The following DIAPH2 variants were observed in gnomAD, a reference collection of about 807,000 sequenced individuals.
DIAPH2 encodes protein diaphanous homolog 2.
DIAPH2 carries 35 observed loss-of-function variants against 92.7 expected under a neutral mutation model. The ratio of observed to expected loss-of-function variants is 0.38; its 90% CI spans 0.29 to 0.50. The LOEUF is 0.50. Among genes scored for constraint, DIAPH2 ranks in the 20% least tolerant of loss-of-function variants. The pLI is 0.94. For synonymous variants in DIAPH2, 301 were observed against 280.4 expected (o/e 1.07, Z -0.73); for missense variants, 701 against 819.5 (o/e 0.86, Z 1.77).
intron 2 of DIAPH2, among the ~76,000 whole-genome samples, chrX:96,737,920 A>G (rs1304160676): frequency 8.9e-6 from 1 of 111,833 alleles, no homozygotes; most frequent in Non-Finnish European, 1.9e-5. Context: ...GCTAAGTGCA[A>G]TAAACATATT....
intron 26 of DIAPH2, among the ~76,000 whole-genome samples, chrX:97,496,562 A>G (rs757662741): frequency 4.5e-5 from 5 of 111,643 alleles, no homozygotes; most frequent in African/African-American, 1.6e-4. Context: ...ACATTAGGTA[A>G]CACAATGAAT....
rs1412080309 is a variant in DIAPH2 at position 96,898,415 on chromosome X, A to T, written c.588-13913A>T. Among the ~76,000 whole-genome samples, 196 of 81,965 alleles carry T rather than the reference A, an allele frequency of 2.4e-3. 2 individuals carry two copies. Among genetic ancestry groups the T allele is most frequent in the African/African-American group, 7.3e-3 (193 of 26,435 alleles). The allele number at this position is 81,965 out of a possible 115,157, so 71.2% of individuals were successfully genotyped here. On this transcript the variant is annotated intron_variant, in intron 5 of 26. Transcript: ENST00000324765. ...GTTTCCTGACTTTTTAATGATTGCCATTCTAACTGGTGTGAGATGGTATCT... is the reference window on the plus strand; with the variant it reads ...GTTTCCTGACTTTTTAATGATTGCCTTTCTAACTGGTGTGAGATGGTATCT...
chrX:96,901,627 C>T (rs1225263401), intron 5 of DIAPH2, among the ~76,000 whole-genome samples: 1 of 102,098 alleles, frequency 9.8e-6, no homozygotes, highest in African/African-American at 3.6e-5. Flanking sequence ...CTCCACCTCC[C>T]AGGTTCAAGC....
chrX:96,967,395 T>TATTTATTC (rs771061926), intron 17 of DIAPH2, among the ~76,000 whole-genome samples: 13 of 105,800 alleles, frequency 1.2e-4, no homozygotes, highest in Non-Finnish European at 2.5e-4. Context: ...TTTATTTATT[T>TATTTATTC]ATTCATTCAT....
chrX:97,455,217 T>G (rs1278239782), intron 26 of DIAPH2, among the ~76,000 whole-genome samples: 1 of 112,224 alleles, frequency 8.9e-6, no homozygotes, highest in African/African-American at 3.2e-5. Context: ...TTTTCTATTT[T>G]AAAATGAAAT....
chrX:97,440,984 A>C (rs2070250854), intron 26 of DIAPH2, among the ~76,000 whole-genome samples: 1 of 111,841 alleles, frequency 8.9e-6, no homozygotes, highest in Non-Finnish European at 1.9e-5. Context: ...AATTTATACA[A>C]ATTTATAAAC....
intron 22 of DIAPH2, among the ~76,000 whole-genome samples, chrX:97,152,709 A>T (rs963868718): frequency 8.9e-6 from 1 of 112,296 alleles, no homozygotes; most frequent in East Asian, 2.8e-4. Flanking sequence ...TGATAACCAT[A>T]TTAATCCATT....
intron 17 of DIAPH2, among the ~76,000 whole-genome samples, chrX:96,977,118 T>C (rs2065966990): frequency 8.9e-6 from 1 of 111,930 alleles, no homozygotes; most frequent in Non-Finnish European, 1.9e-5. Context: ...GTTGCACTGT[T>C]AACTGATCCC....
intron 26 of DIAPH2, among the ~76,000 whole-genome samples, chrX:97,516,120 C>A (rs1051290997): frequency 9.1e-6 from 1 of 110,177 alleles, no homozygotes; most frequent in African/African-American, 3.3e-5. Flanking sequence ...GGTGTGGTGG[C>A]ACACGCCTAC....
intron 25 of DIAPH2, among the ~76,000 whole-genome samples, chrX:97,417,590 G>T (rs1381848113): frequency 9.0e-6 from 1 of 111,555 alleles, no homozygotes; most frequent in African/African-American, 3.3e-5. Context: ...CAGGAGAATC[G>T]CTTGAACCCA....
chrX:96,940,056 T>G (rs1008700813), intron 12 of DIAPH2, among the ~76,000 whole-genome samples: 7 of 110,228 alleles, frequency 6.4e-5, no homozygotes, highest in Non-Finnish European at 1.1e-4. Flanking sequence ...GACAGGACTT[T>G]GGTAGCAATG....
chrX:96,941,932 G>C, intron 12 of DIAPH2, 86 bp from the exon 13 acceptor site: 2 of 538,096 alleles, frequency 3.7e-6, no homozygotes, highest in Non-Finnish European at 3.1e-6. Flanking sequence ...AAAAGACCTA[G>C]TTCTTCTAAT....
In DIAPH2 at chrX:96,884,111, A is replaced by G. The variant is rs371772257; in HGVS notation, c.587+2393A>G. On this transcript the variant is annotated intron_variant, in intron 5 of 26. Transcript: ENST00000324765. ...GCCGACCCTGACTGGCTGGAAGCAG[A>G]TGCATTCTGGTAGTTGATTGGTCCA... 117 of 410,667 alleles carry G rather than the reference A, an allele frequency of 2.8e-4. No individual in the cohort carries two copies. In the African/African-American group the frequency reaches 2.9e-3, roughly 10 times the overall value. The allele number at this position is 410,667 out of a possible 1,213,427, so 33.8% of individuals were successfully genotyped here. A position where few individuals can be genotyped will look rare whatever the true frequency, so the allele number is the denominator to read the frequency against.
chrX:97,459,845 C>T (rs2070443616), intron 26 of DIAPH2, among the ~76,000 whole-genome samples: 1 of 111,671 alleles, frequency 9.0e-6, no homozygotes, highest in Admixed American at 9.5e-5. Flanking sequence ...GGTTCAAATC[C>T]TGGCACTACC....
At chrX:96,696,233 T>C (rs1175986393) in intron 1 of DIAPH2, among the ~76,000 whole-genome samples, 1 of 111,048 alleles carries the variant, frequency 9.0e-6, no homozygotes, top group African/African-American at 3.3e-5. Flanking sequence ...GGTGACAGAG[T>C]GAGACCCTGA....
chrX:97,184,432 A>G (rs1405171875), intron 22 of DIAPH2, among the ~76,000 whole-genome samples: 1 of 112,103 alleles, frequency 8.9e-6, no homozygotes, highest in Non-Finnish European at 1.9e-5. Context: ...TCCCCCATGC[A>G]TGCATACATA....
rs922415882 is a variant in DIAPH2, at chrX:97,084,107, G to T, written c.2247+8846G>T. Among the ~76,000 whole-genome samples, 8 of 106,979 alleles carry T rather than the reference G, an allele frequency of 7.5e-5. 1 individual carries two copies. Among genetic ancestry groups the T allele is most frequent in the South Asian group, 4.2e-4 (1 of 2,377 alleles). The allele number at this position is 106,979 out of a possible 115,157, so 92.9% of individuals were successfully genotyped here. A position where few individuals can be genotyped will look rare whatever the true frequency, so the allele number is the denominator to read the frequency against. On this transcript the variant is annotated intron_variant, in intron 19 of 26. Coordinates refer to ENST00000324765, the MANE Select transcript of DIAPH2 (RefSeq NM_006729.5). ...TTAAAAGCTTATTTGTTTTTGTTTT[G>T]TTTTTTTTAAATATGTCATTTAGAT...
intron 25 of DIAPH2, among the ~76,000 whole-genome samples, chrX:97,390,897 T>G (rs778982728): frequency 8.9e-6 from 1 of 112,240 alleles, no homozygotes; most frequent in African/African-American, 3.2e-5. Flanking sequence ...GCATGAAAAA[T>G]AAATTTTTAA....
At chrX:96,984,654 A>G (rs1162852334) in intron 17 of DIAPH2, among the ~76,000 whole-genome samples, 1 of 111,380 alleles carries the variant, frequency 9.0e-6, no homozygotes, top group African/African-American at 3.3e-5. Context: ...TATAAAATGA[A>G]TTAATTCATA....
Sources: allele counts gnomAD v4.1 joint callset (sites outside exome capture counted in the v4.1 genomes callset), GRCh38; gene constraint gnomAD v4.1.1; transcripts MANE v1.5; gene names NCBI Gene and HGNC (gene_info 2026-07-23, HGNC 2026-07-21).